Variants in CRACD observed in about 807,000 individuals in gnomAD.
CRACD encodes capping protein inhibiting regulator of actin dynamics, also known as capping protein-inhibiting regulator of actin dynamics.
A neutral mutation model predicts 106.8 loss-of-function variants in CRACD; 56 were observed. That is an observed-to-expected ratio of 0.52 (90% CI 0.42 to 0.66). The LOEUF (loss-of-function observed/expected upper bound fraction) is 0.66. Ranked by LOEUF, CRACD falls within the 30% of genes least tolerant of loss-of-function variation. The pLI, the probability that CRACD is intolerant of heterozygous loss-of-function variation, is 0.00. For synonymous variants in CRACD, 754 were observed against 670.8 expected (o/e 1.12, Z -1.92); for missense variants, 1,730 against 1,623.2 (o/e 1.07, Z -1.13).
At chr4:56,184,362 C>T (rs1224931184) in intron 2 of CRACD, among the ~76,000 whole-genome samples, 4 of 152,226 alleles carry the variant, frequency 2.6e-5, no homozygotes, top group Admixed American at 1.3e-4. Context: ...TGAGCCACCA[C>T]GCCTGGCCAA....
At chr4:56,143,089 G>A (rs1410217786) in intron 1 of CRACD, among the ~76,000 whole-genome samples, 1 of 151,334 alleles carries the variant, frequency 6.6e-6, no homozygotes, top group Non-Finnish European at 1.5e-5. Context: ...AAAATTGTTT[G>A]GCTTGATTGG....
intron 1 of CRACD, among the ~76,000 whole-genome samples, chr4:56,144,307 G>T (rs1232040540): frequency 6.6e-6 from 1 of 152,144 alleles, no homozygotes; most frequent in Non-Finnish European, 1.5e-5. Flanking sequence ...AATTAAGGAG[G>T]AGCCATGAAA....
chr4:56,057,339 A>G (rs1217840054), intron 1 of CRACD, among the ~76,000 whole-genome samples: 1 of 152,232 alleles, frequency 6.6e-6, no homozygotes, highest in African/African-American at 2.4e-5. Context: ...GTATGTTGCA[A>G]GATCTGTGCC....
chr4:56,127,101 G>A (rs1478028095), intron 1 of CRACD, among the ~76,000 whole-genome samples: 5 of 152,092 alleles, frequency 3.3e-5, no homozygotes, highest in Admixed American at 2.0e-4. Flanking sequence ...CTTATGAAAG[G>A]GCTTGATGGA....
chr4:56,055,571 G>A (rs1732029525), intron 1 of CRACD, among the ~76,000 whole-genome samples: 1 of 152,112 alleles, frequency 6.6e-6, no homozygotes, highest in Admixed American at 6.5e-5. Flanking sequence ...TGAATTCCAG[G>A]CTGCCCTAAA....
intron 1 of CRACD, among the ~76,000 whole-genome samples, chr4:56,072,699 G>C (rs192558704): frequency 3.3e-5 from 5 of 151,946 alleles, no homozygotes; most frequent in African/African-American, 1.2e-4. Context: ...GTGGTTTGCT[G>C]CACCCATCAA....
chr4:56,254,398 GTT>G (rs34456577), intron 2 of CRACD, among the ~76,000 whole-genome samples: 6,841 of 81,092 alleles, frequency 0.084, 269 homozygotes, highest in South Asian at 0.17. Context: ...TTTTGTGGGG[GTT>G]TTTTTTTTTT....
At chr4:56,078,199 A>G (rs748657346) in intron 1 of CRACD, among the ~76,000 whole-genome samples, 5 of 151,922 alleles carry the variant, frequency 3.3e-5, no homozygotes, top group Non-Finnish European at 7.4e-5. Context: ...ATTTCCTTTA[A>G]TATTGTTGTT....
At chr4:56,104,411 A>ACAC (rs1733877589) in intron 1 of CRACD, among the ~76,000 whole-genome samples, 1 of 152,150 alleles carries the variant, frequency 6.6e-6, no homozygotes, top group Non-Finnish European at 1.5e-5. Flanking sequence ...ACAAACACAA[A>ACAC]AAAACAAACA....
intron 10 of CRACD, 81 bp downstream of exon 10, chr4:56,324,347 G>C (rs76420642): frequency 1.5e-6 from 2 of 1,323,106 alleles, no homozygotes; most frequent in East Asian, 2.4e-5. Context: ...ACAGTGTAAT[G>C]ACTAGCAGAG....
intron 2 of CRACD, chr4:56,216,354 GT>G (rs1422081079): frequency 6.6e-6 from 1 of 152,140 alleles, no homozygotes; most frequent in Non-Finnish European, 1.5e-5. Flanking sequence ...TGTAAATATG[GT>G]GAATAAATGC....
rs999266106 is a variant in CRACD at position 56,315,876 on chromosome 4, G to A, written c.2374G>A (p.Ala792Thr). The change falls in exon 8 of 11, where the codon GCC (alanine) becomes ACC (threonine). Residue 792 changes from alanine (A) to threonine (T), a missense_variant. Physicochemically the swap from Ala to Thr is moderately conservative, Grantham distance 58. Transcript: ENST00000682029. This position sits in a 1 kb window ranked among gnomAD's most constrained non-coding sequence, Gnocchi z 4.1. ...AGACACCACCGAGGGATGCAAATTT[G>A]CCAAAGACCTCCCGTCTTTCCTTGT... Reference protein sequence around the residue: ...PADTTEGCKFAKDLPSFLVPS... With the variant: ...PADTTEGCKFTKDLPSFLVPS... 2 of 1,614,076 alleles carry A rather than the reference G, an allele frequency of 1.2e-6. No homozygotes were observed. The highest frequency in any genetic ancestry group is 2.7e-5 in the African/African-American group (2 of 74,930).
intron 1 of CRACD, among the ~76,000 whole-genome samples, chr4:56,060,189 T>C (rs1732223646): frequency 6.6e-6 from 1 of 152,138 alleles, no homozygotes; most frequent in South Asian, 2.1e-4. Context: ...GTACTGAACG[T>C]GGAGGAGTGG....
chr4:56,302,105 T>C (rs1744402169), intron 4 of CRACD, among the ~76,000 whole-genome samples: 1 of 152,158 alleles, frequency 6.6e-6, no homozygotes, highest in African/African-American at 2.4e-5. Flanking sequence ...TCTGGCACTT[T>C]CTCCTCCTGA....
intron 2 of CRACD, among the ~76,000 whole-genome samples, chr4:56,236,932 T>C (rs1273762323): frequency 2.6e-5 from 4 of 152,310 alleles, no homozygotes; most frequent in African/African-American, 9.6e-5. Context: ...CAGAGAAATC[T>C]CATGCATCAC....
Position 56,183,009 on chromosome 4 carries a change from G to A in CRACD, c.-189+3579G>A, listed in dbSNP as rs545575155. On this transcript the variant is annotated intron_variant, in intron 2 of 10. Transcript: ENST00000682029. ...GTACTTTGGGAGGCCAAGGAGGGTG[G>A]ATCACCTGAGGTTGGGAGTTTGAGA... Among the ~76,000 whole-genome samples, 212 of 151,586 alleles carry A rather than the reference G, an allele frequency of 1.4e-3. 1 individual carries two copies. The highest frequency in any genetic ancestry group is 4.9e-3 in the African/African-American group (204 of 41,304).
At chr4:56,197,962 C>T (rs1219143093) in intron 2 of CRACD, among the ~76,000 whole-genome samples, 1 of 152,150 alleles carries the variant, frequency 6.6e-6, no homozygotes, top group African/African-American at 2.4e-5. Context: ...CAGGCGTGAG[C>T]ACCTGCACCC....
rs568276295 is a variant in CRACD at position 56,314,565 on chromosome 4, G to T, written c.1063G>T (p.Ala355Ser). 27 of 1,513,552 alleles carry T rather than the reference G, an allele frequency of 1.8e-5. No homozygotes were observed. The Admixed American group carries it at 2.6e-4, about 14-fold the overall frequency. The allele number at this position is 1,513,552 out of a possible 1,614,324, so 93.8% of individuals were successfully genotyped here. ...GCAGGAGGAGGAGGAAGGAAGATGC[G>T]CGGAGGAGCTCAAAAGGCAGGAGGA... ...RRQEEEEGRC[A>S]EELKRQEEEE... Residue 355 changes from alanine to serine, a missense_variant, in exon 8 of 11, where the codon GCG becomes TCG. By Grantham distance (99) the Ala-to-Ser change is moderately conservative (BLOSUM62 1). Around this residue, in one of 5 missense-constraint regions of CRACD, gnomAD observed 1,620 missense variants for 1,481.6 expected, o/e 1.09. Transcript: ENST00000682029. The surrounding 1 kb of genome is among the most constrained non-coding windows in gnomAD (Gnocchi z 4.4).
Position 56,307,571 on chromosome 4 carries a change from T to G in CRACD, c.157T>G (p.Ser53Ala). The change falls in exon 5 of 11, where the codon TCA (serine) becomes GCA (alanine). Residue 53 changes from serine (S) to alanine (A), a missense_variant. Coordinates refer to ENST00000682029, the MANE Select transcript of CRACD (RefSeq NM_001393381.1). ...CAAGAATATCAAGTTTGGGCAGCGG[T>G]CACCCAATGCCATTCCCATGAATAA... ...LGKNIKFGQR[S>A]PNAIPMNKAN... is the part of the protein sequence containing the mutation. 6.2e-7 allele frequency: 1 copy of G among 1,614,174 alleles called. No homozygotes were observed. Among genetic ancestry groups the G allele is most frequent in the Non-Finnish European group, 8.5e-7 (1 of 1,180,038 alleles).
Sources: allele counts gnomAD v4.1 joint callset (sites outside exome capture counted in the v4.1 genomes callset), GRCh38; gene constraint gnomAD v4.1.1; regional missense constraint gnomAD v4.1.1; non-coding constraint Gnocchi (gnomAD v3.1); transcripts MANE v1.5; gene names NCBI Gene and HGNC (gene_info 2026-07-23, HGNC 2026-07-21).